PXDN: variants seen among roughly 807,000 people sequenced by gnomAD.
PXDN encodes peroxidasin, also known as peroxidasin homolog.
In PXDN, 77 loss-of-function variants were observed where a neutral mutation model predicts 140.3. The ratio of observed to expected loss-of-function variants is 0.55; its 90% CI spans 0.46 to 0.66. The LOEUF (loss-of-function observed/expected upper bound fraction) is 0.66. Ranked by LOEUF, PXDN falls within the 30% of genes least tolerant of loss-of-function variation. The pLI is 0.00. For synonymous variants in PXDN, 911 were observed against 857.4 expected, an observed-to-expected ratio of 1.06 and a Z score of -1.09; for missense variants, 1,838 against 2,039.5, an observed-to-expected ratio of 0.90 and a Z score of 1.90.
In PXDN at chr2:1,651,691, G is replaced by A. The variant is rs1285394204; in HGVS notation, c.2104+1937C>T. ...TCAGATGCTCCAGGGAGGCCCCCTC[G>A]CCCTTGTGGGGTCCCTGCTCACGTG... On this transcript the variant is annotated intron_variant, in intron 16 of 22. Transcript: ENST00000252804. This position sits in a 1 kb window ranked among gnomAD's most constrained non-coding sequence, Gnocchi z 4.4. Among the ~76,000 whole-genome samples the A allele has an allele frequency of 2.0e-5, 3 of 152,080 alleles. No homozygotes were observed. The highest frequency in any genetic ancestry group is 2.1e-4 in the South Asian group (1 of 4,814).
chr2:1,657,924 A>G (rs1025354749), intron 14 of PXDN, among the ~76,000 whole-genome samples: 1 of 140,604 alleles, frequency 7.1e-6, no homozygotes, highest in African/African-American at 2.7e-5. Context: ...CCTTCCTGAC[A>G]GGAACCTGCC....
intron 1 of PXDN, among the ~76,000 whole-genome samples, chr2:1,713,534 G>T (rs762853113): frequency 1.3e-5 from 2 of 152,196 alleles, no homozygotes; most frequent in African/African-American, 4.8e-5. Flanking sequence ...CCTCTGACAG[G>T]AGAGCCCTGG....
chr2:1,681,045 G>A (rs1683889523), intron 6 of PXDN, among the ~76,000 whole-genome samples: 1 of 152,200 alleles, frequency 6.6e-6, no homozygotes. Flanking sequence ...AGGAGTTCCA[G>A]GTAGCAAACA....
chr2:1,664,335 G>C (rs973784994), intron 11 of PXDN: 4 of 157,308 alleles, frequency 2.5e-5, no homozygotes, highest in African/African-American at 7.2e-5. Flanking sequence ...TTGCATCCCA[G>C]GACAGGAACC....
chr2:1,735,227 A>G (rs1196493260), intron 1 of PXDN, among the ~76,000 whole-genome samples: 3 of 152,192 alleles, frequency 2.0e-5, no homozygotes, highest in Non-Finnish European at 4.4e-5. Flanking sequence ...GTTGGAATCA[A>G]CTTCTTCTAA....
At chr2:1,699,714 A>C (rs528810666) in intron 1 of PXDN, among the ~76,000 whole-genome samples, 1 of 152,216 alleles carries the variant, frequency 6.6e-6, no homozygotes, top group South Asian at 2.1e-4. Context: ...CTGTCTCACC[A>C]AAACAAACAA....
intron 12 of PXDN, 59 bp downstream of exon 12, chr2:1,663,546 G>C: frequency 6.3e-7 from 1 of 1,587,208 alleles, no homozygotes; most frequent in African/African-American, 1.3e-5. Flanking sequence ...GCGGAATTCT[G>C]TGTTTCCTGA....
chr2:1,741,409 C>T (rs1381503253), intron 1 of PXDN, among the ~76,000 whole-genome samples: 1 of 152,126 alleles, frequency 6.6e-6, no homozygotes, highest in South Asian at 2.1e-4. Context: ...AAGGCCAAAC[C>T]GCCGACCGAG....
At chr2:1,708,069 T>G (rs1684661967) in intron 1 of PXDN, among the ~76,000 whole-genome samples, 1 of 152,122 alleles carries the variant, frequency 6.6e-6, no homozygotes, top group African/African-American at 2.4e-5. Context: ...GCAGGATGAA[T>G]GGGACTTCTC....
chr2:1,663,499 CAACGCTTTATAACGA>C, intron 12 of PXDN, 91 bp downstream of exon 12: 1 of 1,466,542 alleles, frequency 6.8e-7, no homozygotes, highest in Non-Finnish European at 9.3e-7. Flanking sequence ...AGAGAACAGC[CAACGCTTTATAACGA>C]AGAGTAACAC....
intron 1 of PXDN, among the ~76,000 whole-genome samples, chr2:1,734,168 A>G (rs973111350): frequency 1.3e-5 from 2 of 152,272 alleles, no homozygotes; most frequent in Non-Finnish European, 2.9e-5. Context: ...GATCACTGAA[A>G]TAAGTTAAAA....
At chr2:1,736,491 A>G (rs534937884) in intron 1 of PXDN, among the ~76,000 whole-genome samples, 4 of 152,236 alleles carry the variant, frequency 2.6e-5, no homozygotes, top group African/African-American at 9.6e-5. Flanking sequence ...TGTGGTTTAT[A>G]ATACCCCAAA....
intron 1 of PXDN, among the ~76,000 whole-genome samples, chr2:1,722,561 C>T (rs537117566): frequency 6.6e-6 from 1 of 152,342 alleles, no homozygotes; most frequent in African/African-American, 2.4e-5. Context: ...AGACACAGAA[C>T]TCTGAGGAAC....
At chr2:1,740,374 T>C (rs1049130817) in intron 1 of PXDN, among the ~76,000 whole-genome samples, 5 of 152,052 alleles carry the variant, frequency 3.3e-5, no homozygotes, top group African/African-American at 1.2e-4. Context: ...TCGGGACCCA[T>C]GTGACTCACT....
chr2:1,669,878 G>C (rs1683534933), intron 9 of PXDN: 1 of 152,012 alleles, frequency 6.6e-6, no homozygotes, highest in East Asian at 1.9e-4. Flanking sequence ...TTTTCCTTTT[G>C]CCCTGTTGTT....
At chr2:1,638,516 A>T (rs1166416144) in intron 21 of PXDN, among the ~76,000 whole-genome samples, 2 of 152,148 alleles carry the variant, frequency 1.3e-5, no homozygotes, top group Non-Finnish European at 2.9e-5. Flanking sequence ...TAAGAGGCTT[A>T]AGAACAGGAC....
At chr2:1,681,122 C>A (rs755153966) in intron 6 of PXDN, among the ~76,000 whole-genome samples, 1 of 152,028 alleles carries the variant, frequency 6.6e-6, no homozygotes. Flanking sequence ...GGGAAGGGGT[C>A]CCCAGGCCCC....
At position 1,651,497 on chromosome 2, in the gene PXDN, C is replaced by T. The variant is rs569701024; in HGVS notation, c.2105-1822G>A. 6.6e-6 allele frequency among the ~76,000 whole-genome samples: 1 copy of T among 152,224 alleles called. No homozygotes were observed. Among genetic ancestry groups the T allele is most frequent in the Non-Finnish European group, 1.5e-5 (1 of 68,050 alleles). ...GAAACCCTAAGGTTCCCATTTCATA[C>T]ACAGCCAACGACATATCCTTATATT... On this transcript the variant is annotated intron_variant, in intron 16 of 22. Coordinates refer to ENST00000252804, the MANE Select transcript of PXDN (RefSeq NM_012293.3). This position sits in a 1 kb window ranked among gnomAD's most constrained non-coding sequence, Gnocchi z 4.4.
chr2:1,700,799 C>T (rs534023336), intron 1 of PXDN, among the ~76,000 whole-genome samples: 81 of 152,220 alleles, frequency 5.3e-4, no homozygotes, highest in Admixed American at 4.2e-3. Context: ...CACTTGAACC[C>T]GGAAGGCAGA....
Sources: gnomAD v4.1 joint callset for allele counts (sites outside exome capture counted in the v4.1 genomes callset) on GRCh38, gnomAD v4.1.1 for gene constraint, Gnocchi (gnomAD v3.1) non-coding constraint, MANE v1.5 for transcripts, NCBI Gene and HGNC (gene_info 2026-07-23, HGNC 2026-07-21) for gene names.